LHFPL3: variants seen among roughly 807,000 people sequenced by gnomAD.
LHFPL3 encodes LHFPL tetraspan subfamily member 3 protein.
A neutral mutation model predicts 19.3 loss-of-function variants in LHFPL3; 5 were observed. The ratio of observed to expected loss-of-function variants is 0.26; its 90% confidence interval spans 0.14 to 0.54. The LOEUF is 0.54. LHFPL3 is among the 20% of genes least tolerant of loss of function. The pLI is 0.94. For missense variants in LHFPL3, 249 were observed against 307.4 expected (o/e 0.81, Z 1.42); for synonymous variants, 133 against 126.2 (o/e 1.05, Z -0.36).
At chr7:104,522,415 T>C (rs1189241306) in intron 1 of LHFPL3, among the ~76,000 whole-genome samples, 1 of 139,512 alleles carries the variant, frequency 7.2e-6, no homozygotes, top group African/African-American at 2.6e-5. Context: ...GAGGGATGGA[T>C]TGGGAGATAT....
chr7:104,827,612 GT>G (rs1048553929), intron 2 of LHFPL3, among the ~76,000 whole-genome samples: 101 of 142,100 alleles, frequency 7.1e-4, no homozygotes, highest in South Asian at 3.3e-3. Context: ...GTTTTGTTTT[GT>G]TTTTTTTTTT....
intron 1 of LHFPL3, among the ~76,000 whole-genome samples, chr7:104,340,161 A>AT (rs1789918288): frequency 6.6e-6 from 1 of 152,150 alleles, no homozygotes; most frequent in Admixed American, 6.5e-5. Flanking sequence ...TCTTGACTTA[A>AT]TTTTTCTAAG....
intron 1 of LHFPL3, among the ~76,000 whole-genome samples, chr7:104,566,574 C>A (rs990356166): frequency 6.6e-6 from 1 of 152,088 alleles, no homozygotes; most frequent in Admixed American, 6.6e-5. Context: ...GTTATTAAAA[C>A]AGAGATGTTA....
intron 2 of LHFPL3, among the ~76,000 whole-genome samples, chr7:104,737,567 T>C (rs902516376): frequency 2.0e-5 from 3 of 152,236 alleles, no homozygotes; most frequent in Non-Finnish European, 4.4e-5. Flanking sequence ...TATTGAATGA[T>C]ACGTAAATAT....
In LHFPL3 at chr7:104,842,406, A is replaced by C. The variant is rs138881414; in HGVS notation, c.683-63781A>C. Among the ~76,000 whole-genome samples, 196 of 152,198 alleles carry C rather than the reference A, an allele frequency of 1.3e-3. 1 individual carries two copies. The highest frequency in any genetic ancestry group is 4.6e-3 in the African/African-American group (193 of 41,540). On this transcript the variant is annotated intron_variant, in intron 2 of 2. Coordinates refer to ENST00000424859, the MANE Select transcript of LHFPL3 (RefSeq NM_199000.3). ...GCCTGGGGAGGGGACTGGGCCCTGG[A>C]GCCCAGAGCAGACCTTAGAAGAGAC...
At chr7:104,557,285 AAG>A (rs1221705134) in intron 1 of LHFPL3, among the ~76,000 whole-genome samples, 2 of 152,204 alleles carry the variant, frequency 1.3e-5, no homozygotes, top group African/African-American at 4.8e-5. Context: ...TGAGAAGAAA[AAG>A]AGGTTTAATG....
intron 1 of LHFPL3, among the ~76,000 whole-genome samples, chr7:104,599,722 A>G (rs929065549): frequency 3.3e-5 from 5 of 152,158 alleles, no homozygotes; most frequent in African/African-American, 1.2e-4. Context: ...TTAGGGAAAC[A>G]TTACAGAGGG....
At chr7:104,793,065 T>G (rs1790054482) in intron 2 of LHFPL3, among the ~76,000 whole-genome samples, 1 of 152,100 alleles carries the variant, frequency 6.6e-6, no homozygotes, top group Non-Finnish European at 1.5e-5. Flanking sequence ...CCAGCTAATT[T>G]TTGTATTTTT....
intron 1 of LHFPL3, among the ~76,000 whole-genome samples, chr7:104,540,498 T>A (rs948915911): frequency 2.6e-5 from 4 of 152,156 alleles, no homozygotes; most frequent in Non-Finnish European, 5.9e-5. Context: ...GCCCCAAATG[T>A]CAATAGTGCC....
At chr7:104,720,943 G>A (rs552698074) in intron 1 of LHFPL3, among the ~76,000 whole-genome samples, 221 of 152,280 alleles carry the variant, frequency 1.5e-3, no homozygotes, top group African/African-American at 5.3e-3. Context: ...GTTGGTGGGA[G>A]TGTAAATTAG....
At chr7:104,617,441 A>C (rs1392083409) in intron 1 of LHFPL3, among the ~76,000 whole-genome samples, 1 of 152,226 alleles carries the variant, frequency 6.6e-6, no homozygotes. Context: ...TATTTAATTC[A>C]TCCCTTCCAA....
At chr7:104,794,438 T>C (rs1790079102) in intron 2 of LHFPL3, among the ~76,000 whole-genome samples, 1 of 152,190 alleles carries the variant, frequency 6.6e-6, no homozygotes, top group Non-Finnish European at 1.5e-5. Context: ...GTTGAATAAC[T>C]GGAACCACAG....
chr7:104,554,044 G>A (rs924543159), intron 1 of LHFPL3, among the ~76,000 whole-genome samples: 1 of 152,080 alleles, frequency 6.6e-6, no homozygotes, highest in South Asian at 2.1e-4. Context: ...CCTGGCTGAT[G>A]ACAATTTGTC....
intron 1 of LHFPL3, among the ~76,000 whole-genome samples, chr7:104,626,764 T>G (rs1457223660): frequency 1.3e-5 from 2 of 152,228 alleles, no homozygotes; most frequent in African/African-American, 4.8e-5. Flanking sequence ...AACATATTTG[T>G]GGAAGTTTTC....
intron 1 of LHFPL3, among the ~76,000 whole-genome samples, chr7:104,517,151 G>A (rs1037714050): frequency 6.6e-6 from 1 of 152,072 alleles, no homozygotes. Context: ...GGAGGGTGGA[G>A]GGTGGGAGGA....
At chr7:104,556,527 C>T (rs1040469119) in intron 1 of LHFPL3, among the ~76,000 whole-genome samples, 30 of 152,184 alleles carry the variant, frequency 2.0e-4, no homozygotes, top group Admixed American at 3.3e-4. Context: ...GGTCAAGTCC[C>T]TAGACTGTAT....
At chr7:104,595,097 G>A (rs1392203665) in intron 1 of LHFPL3, among the ~76,000 whole-genome samples, 1 of 152,198 alleles carries the variant, frequency 6.6e-6, no homozygotes, top group East Asian at 1.9e-4. Flanking sequence ...AAGGAGCTGT[G>A]AACCTTTCGA....
At chr7:104,829,131 G>A (rs1022542924) in intron 2 of LHFPL3, among the ~76,000 whole-genome samples, 1 of 151,756 alleles carries the variant, frequency 6.6e-6, no homozygotes, top group African/African-American at 2.4e-5. Flanking sequence ...CTTCAACCCA[G>A]CCCTCACTCC....
chr7:104,851,843 C>T (rs955590157), intron 2 of LHFPL3, among the ~76,000 whole-genome samples: 1 of 152,144 alleles, frequency 6.6e-6, no homozygotes, highest in South Asian at 2.1e-4. Flanking sequence ...CAGGCACCAG[C>T]ACTGCAAAGA....
Sources: gnomAD v4.1 joint callset for allele counts (sites outside exome capture counted in the v4.1 genomes callset) on GRCh38, gnomAD v4.1.1 for gene constraint, MANE v1.5 for transcripts, NCBI Gene and HGNC (gene_info 2026-07-23, HGNC 2026-07-21) for gene names.